The following KIAA0930 variants were observed in gnomAD, a reference collection of about 807,000 sequenced individuals.
The protein encoded by KIAA0930 is uncharacterized protein KIAA0930.
A neutral mutation model predicts 43.9 loss-of-function variants in KIAA0930; 24 were observed. That is an observed-to-expected ratio of 0.55 (90% confidence interval 0.40 to 0.77). The LOEUF is 0.77. KIAA0930 is among the 30% of genes least tolerant of loss of function. KIAA0930 has a pLI of 0.00. For synonymous variants in KIAA0930, 259 were observed against 216.4 expected, an observed-to-expected ratio of 1.20 and a Z score of -1.73; for missense variants, 461 against 574.2, an observed-to-expected ratio of 0.80 and a Z score of 2.02.
intron 7 of KIAA0930, among the ~76,000 whole-genome samples, chr22:45,200,378 C>G (rs2083577125): frequency 6.6e-6 from 1 of 152,190 alleles, no homozygotes; most frequent in African/African-American, 2.4e-5. Context: ...GCTGAGTGAG[C>G]ACTGGCCCCA....
At chr22:45,237,749 C>T (rs912763737) in intron 1 of KIAA0930, among the ~76,000 whole-genome samples, 5 of 152,132 alleles carry the variant, frequency 3.3e-5, no homozygotes, top group Admixed American at 3.3e-4. Context: ...AACCCTGCCC[C>T]CACAGCTTGA....
intron 1 of KIAA0930, among the ~76,000 whole-genome samples, chr22:45,216,616 C>T (rs935313329): frequency 6.6e-6 from 1 of 152,144 alleles, no homozygotes; most frequent in African/African-American, 2.4e-5. Context: ...ACCCCTTCTC[C>T]CTTCACCCTT....
chr22:45,212,237 C>A (rs944445771), intron 1 of KIAA0930, 130 bp from the exon 2 acceptor site: 2 of 1,612,634 alleles, frequency 1.2e-6, no homozygotes, highest in Non-Finnish European at 1.7e-6. Flanking sequence ...AGATGCGCCA[C>A]CCTTCCCTCA....
intron 1 of KIAA0930, among the ~76,000 whole-genome samples, chr22:45,230,513 G>A (rs2083845949): frequency 6.6e-6 from 1 of 151,538 alleles, no homozygotes; most frequent in South Asian, 2.1e-4. Context: ...ACAGCAATTA[G>A]TTGAGAGAAG....
Position 45,195,163 on chromosome 22 carries a change from G to A in KIAA0930, c.*2013C>T, listed in dbSNP as rs558806482. 1.3e-5 allele frequency: 2 copies of A among 152,348 alleles called. No individual in the cohort carries two copies. Among genetic ancestry groups the A allele is most frequent in the African/African-American group, 4.8e-5 (2 of 41,582 alleles). 9.4% of individuals were successfully genotyped at this position (152,348 alleles called of 1,614,324 possible). A position where few individuals can be genotyped will look rare whatever the true frequency, so the allele number is the denominator to read the frequency against. ...GCATTTTTGCCATCTTACAGACGGG[G>A]AGCCCAGCTTGCTCTGAGCCATCCA... is the stretch of plus-strand genomic sequence containing the variant. On this transcript the variant is annotated 3_prime_UTR_variant, in exon 10 of 10. Coordinates refer to ENST00000336156, the MANE Select transcript of KIAA0930 (RefSeq NM_001009880.2).
Position 45,206,292 on chromosome 22 carries a change from C to T in KIAA0930, c.217-380G>A, listed in dbSNP as rs140173841. 2.2e-4 allele frequency among the ~76,000 whole-genome samples: 34 copies of T among 152,340 alleles called. No homozygotes were observed. The East Asian group carries it at 4.4e-3, about 20-fold the overall frequency. The stretch of plus-strand genomic sequence containing the variant: ...TCGACCTCCCAAAGTACTGGGATTA[C>T]AGGTGTGAGCCACCATGCCCGGCCA... On this transcript the variant is annotated intron_variant, in intron 2 of 9. Transcript: ENST00000336156.
Position 45,193,821 on chromosome 22 carries a change from C to T in KIAA0930, c.*3355G>A, listed in dbSNP as rs1311059279. On this transcript the variant is annotated 3_prime_UTR_variant, in exon 10 of 10. Transcript: ENST00000336156. Reference sequence around the variant, plus strand: ...CATGAGAATGTAAGATGGCCACTACCGGAACTTACAGGTGCCAAAAGAAGA... The same window carrying T: ...CATGAGAATGTAAGATGGCCACTACTGGAACTTACAGGTGCCAAAAGAAGA... 1.3e-5 allele frequency: 2 copies of T among 152,144 alleles called. No homozygotes were observed. The highest frequency in any genetic ancestry group is 1.5e-5 in the Non-Finnish European group (1 of 68,030). 9.4% of individuals were successfully genotyped at this position (152,144 alleles called of 1,614,324 possible).
chr22:45,200,150 C>T (rs1029960318), intron 7 of KIAA0930, 115 bp from the exon 8 acceptor site: 52 of 1,119,830 alleles, frequency 4.6e-5, no homozygotes, highest in Non-Finnish European at 5.5e-5. Context: ...GGGAAGAGGC[C>T]GCTGGCCCAG....
chr22:45,206,704 T>A (rs1476960228), intron 2 of KIAA0930, among the ~76,000 whole-genome samples: 1 of 150,530 alleles, frequency 6.6e-6, no homozygotes, highest in South Asian at 2.1e-4. Context: ...GCTTCCAATT[T>A]TTTTTTTTTT....
rs1386634597 is a variant in KIAA0930 at position 45,194,045 on chromosome 22, A to T, written c.*3131T>A. 7.8e-6 allele frequency: 1 copy of T among 128,582 alleles called. No individual in the cohort carries two copies. The highest frequency in any genetic ancestry group is 3.0e-5 in the African/African-American group (1 of 33,634). 8.0% of individuals were successfully genotyped at this position (128,582 alleles called of 1,614,324 possible). Reference sequence around the variant, plus strand: ...TAAAGGGGGTTTGGGTTTAAAGACCAATGTATCTTTTTTTTTTTTTTTTTT... The same window carrying T: ...TAAAGGGGGTTTGGGTTTAAAGACCTATGTATCTTTTTTTTTTTTTTTTTT... On this transcript the variant is annotated 3_prime_UTR_variant, in exon 10 of 10. Coordinates refer to ENST00000336156, the MANE Select transcript of KIAA0930 (RefSeq NM_001009880.2).
At chr22:45,212,133 G>A in intron 1 of KIAA0930, 26 bp from the exon 2 acceptor site, 2 of 1,613,682 alleles carry the variant, frequency 1.2e-6, no homozygotes, top group Non-Finnish European at 8.5e-7. Context: ...AGACAGGAGT[G>A]AGGAAGGACG....
chr22:45,204,450 C>G (rs1683672454), intron 5 of KIAA0930, among the ~76,000 whole-genome samples: 1 of 152,164 alleles, frequency 6.6e-6, no homozygotes, highest in South Asian at 2.1e-4. Flanking sequence ...GCTCCCAGGA[C>G]CTGGTGCACA....
intron 1 of KIAA0930, among the ~76,000 whole-genome samples, chr22:45,216,501 C>T (rs1181233077): frequency 6.6e-6 from 1 of 152,182 alleles, no homozygotes; most frequent in Non-Finnish European, 1.5e-5. Context: ...GGATCCCAAA[C>T]CTTCCAGTAT....
At chr22:45,234,134 G>A (rs1385491499) in intron 1 of KIAA0930, among the ~76,000 whole-genome samples, 2 of 152,202 alleles carry the variant, frequency 1.3e-5, no homozygotes, top group African/African-American at 2.4e-5. Context: ...GACCCTGAGG[G>A]GCAAACGTCT....
intron 1 of KIAA0930, among the ~76,000 whole-genome samples, chr22:45,240,185 G>C (rs993778008): frequency 2.0e-5 from 3 of 152,234 alleles, no homozygotes; most frequent in Admixed American, 6.5e-5. Flanking sequence ...ACAGTGGCCA[G>C]GGCACGCTCG....
chr22:45,227,852 G>A (rs890215319), intron 1 of KIAA0930, among the ~76,000 whole-genome samples: 6 of 152,164 alleles, frequency 3.9e-5, no homozygotes, highest in Non-Finnish European at 7.4e-5. Context: ...CGGATCCATC[G>A]GGGTTTGCTG....
At chr22:45,210,850 G>A (rs1350581958) in intron 2 of KIAA0930, among the ~76,000 whole-genome samples, 4 of 70,082 alleles carry the variant, frequency 5.7e-5, no homozygotes, top group East Asian at 5.6e-4. Flanking sequence ...CTGCGCCAAG[G>A]CCGCCACCCC....
At chr22:45,227,198 A>G (rs1187201550) in intron 1 of KIAA0930, among the ~76,000 whole-genome samples, 1 of 152,224 alleles carries the variant, frequency 6.6e-6, no homozygotes, top group African/African-American at 2.4e-5. Flanking sequence ...CACACCACAC[A>G]GGACAAGGAT....
intron 1 of KIAA0930, among the ~76,000 whole-genome samples, chr22:45,215,077 G>T (rs542218740): frequency 6.6e-6 from 1 of 152,186 alleles, no homozygotes; most frequent in Admixed American, 6.5e-5. Context: ...ACTTAGGTGG[G>T]TGTGGTGGTG....
Sources: allele counts gnomAD v4.1 joint callset (sites outside exome capture counted in the v4.1 genomes callset), GRCh38; gene constraint gnomAD v4.1.1; transcripts MANE v1.5; gene names NCBI Gene and HGNC (gene_info 2026-07-23, HGNC 2026-07-21).